Variants in ALK observed in about 807,000 individuals in gnomAD.
ALK encodes the protein ALK receptor tyrosine kinase.
In ALK, 74 loss-of-function variants were observed where a neutral mutation model predicts 163.1. The observed-to-expected ratio is 0.45, with a 90% confidence interval of 0.38 to 0.55. The LOEUF (loss-of-function observed/expected upper bound fraction) is 0.55, where lower values mean the gene tolerates loss of function less well. ALK is among the 20% of genes least tolerant of loss of function. The pLI, the probability that ALK is intolerant of heterozygous loss-of-function variation, is 0.00. For synonymous variants in ALK, 960 were observed against 843.2 expected (o/e 1.14, Z -2.40); for missense variants, 2,063 against 2,105.3 (o/e 0.98, Z 0.39).
At chr2:29,804,991 A>C (rs767915737) in intron 1 of ALK, among the ~76,000 whole-genome samples, 2 of 152,236 alleles carry the variant, frequency 1.3e-5, no homozygotes, top group East Asian at 3.9e-4. Flanking sequence ...GAGATCTACT[A>C]TCTTGTCTGG....
intron 3 of ALK, among the ~76,000 whole-genome samples, chr2:29,685,099 G>C (rs780362256): frequency 1.3e-5 from 2 of 152,160 alleles, no homozygotes; most frequent in African/African-American, 2.4e-5. Flanking sequence ...ACTGTGGCTG[G>C]AGAAGCACTT....
intron 3 of ALK, among the ~76,000 whole-genome samples, chr2:29,606,634 C>G (rs1018609166): frequency 6.6e-6 from 1 of 152,232 alleles, no homozygotes; most frequent in Admixed American, 6.5e-5. Flanking sequence ...CAGGCCTAAT[C>G]TGGCCCATTG....
At chr2:29,635,379 C>T (rs1160377127) in intron 3 of ALK, among the ~76,000 whole-genome samples, 1 of 152,140 alleles carries the variant, frequency 6.6e-6, no homozygotes, top group Non-Finnish European at 1.5e-5. Context: ...CATTCAATCA[C>T]AAGTGTCCTT....
intron 9 of ALK, among the ~76,000 whole-genome samples, chr2:29,275,901 A>G (rs1353301418): frequency 6.6e-6 from 1 of 152,210 alleles, no homozygotes; most frequent in Non-Finnish European, 1.5e-5. Flanking sequence ...GGGGAAAAAA[A>G]TACCAGCTTG....
Position 29,578,026 on chromosome 2 carries a change from A to G in ALK, c.953-45910T>C, listed in dbSNP as rs189182803. On this transcript the variant is annotated intron_variant, in intron 3 of 28. Coordinates refer to ENST00000389048, the MANE Select transcript of ALK (RefSeq NM_004304.5). Reference sequence around the variant, plus strand: ...GAAGAGTGAATCTTGATCTACACTAACTGATAGGGTTTGGCTGTGTCCCCA... The same window carrying G: ...GAAGAGTGAATCTTGATCTACACTAGCTGATAGGGTTTGGCTGTGTCCCCA... Among the ~76,000 whole-genome samples the G allele has an allele frequency of 9.1e-3, 1,391 of 152,208 alleles. 13 individuals carry two copies. Among genetic ancestry groups the G allele is most frequent in the Non-Finnish European group, 0.012 (811 of 68,000 alleles).
At chr2:29,915,996 T>C (rs1667823727) in intron 1 of ALK, among the ~76,000 whole-genome samples, 1 of 152,246 alleles carries the variant, frequency 6.6e-6, no homozygotes, top group South Asian at 2.1e-4. Flanking sequence ...TCTTTTCCTC[T>C]AAAAACACCA....
chr2:29,520,621 G>A (rs758297741), intron 4 of ALK, among the ~76,000 whole-genome samples: 1 of 152,110 alleles, frequency 6.6e-6, no homozygotes, highest in Admixed American at 6.5e-5. Context: ...TGGAAAAGGA[G>A]CTAAGAGATT....
At chr2:29,456,235 T>A (rs545348981) in intron 4 of ALK, among the ~76,000 whole-genome samples, 2 of 152,108 alleles carry the variant, frequency 1.3e-5, no homozygotes, top group African/African-American at 2.4e-5. Context: ...CTGGAGAGAA[T>A]TGAAAGCAGG....
intron 4 of ALK, among the ~76,000 whole-genome samples, chr2:29,446,694 A>G (rs528079367): frequency 6.6e-6 from 1 of 152,360 alleles, no homozygotes; most frequent in East Asian, 1.9e-4. Context: ...CTTGGAATTA[A>G]GGCTTTTTGA....
intron 1 of ALK, among the ~76,000 whole-genome samples, chr2:29,822,059 T>C (rs1021937605): frequency 5.9e-5 from 9 of 152,198 alleles, no homozygotes; most frequent in Non-Finnish European, 5.9e-5. Flanking sequence ...TAAGGATGTC[T>C]GGAACTTCTA....
chr2:29,365,049 C>A (rs1288929888), intron 5 of ALK, among the ~76,000 whole-genome samples: 1 of 152,114 alleles, frequency 6.6e-6, no homozygotes, highest in African/African-American at 2.4e-5. Flanking sequence ...TACCAATGCT[C>A]AGAGAGGTTG....
intron 13 of ALK, among the ~76,000 whole-genome samples, chr2:29,236,226 T>C (rs1664377901): frequency 6.6e-6 from 1 of 152,096 alleles, no homozygotes; most frequent in Non-Finnish European, 1.5e-5. Flanking sequence ...TGCCTCCTCA[T>C]CTGGAGATGG....
intron 1 of ALK, among the ~76,000 whole-genome samples, chr2:29,746,265 A>T (rs1361092014): frequency 6.6e-6 from 1 of 152,108 alleles, no homozygotes; most frequent in Non-Finnish European, 1.5e-5. Flanking sequence ...AGTTTTGATT[A>T]AAAAAAATTA....
intron 11 of ALK, among the ~76,000 whole-genome samples, chr2:29,258,430 C>T (rs1444899836): frequency 6.6e-6 from 1 of 152,210 alleles, no homozygotes; most frequent in African/African-American, 2.4e-5. Context: ...TTTCCTCATA[C>T]ATTAGTTGGA....
intron 1 of ALK, among the ~76,000 whole-genome samples, chr2:29,827,106 C>G (rs1242574324): frequency 1.3e-5 from 2 of 152,182 alleles, no homozygotes; most frequent in African/African-American, 2.4e-5. Flanking sequence ...TGATGGGTAA[C>G]TATTGCTAGA....
chr2:29,307,689 G>A (rs1166489116), intron 8 of ALK, among the ~76,000 whole-genome samples: 2 of 152,154 alleles, frequency 1.3e-5, no homozygotes, highest in Non-Finnish European at 2.9e-5. Context: ...TAGTTCACCT[G>A]GAAAAATGAA....
At chr2:29,592,730 C>T (rs1286190026) in intron 3 of ALK, among the ~76,000 whole-genome samples, 2 of 152,150 alleles carry the variant, frequency 1.3e-5, no homozygotes, top group African/African-American at 2.4e-5. Flanking sequence ...GTGGTAACAG[C>T]GTCTTTGCAG....
intron 12 of ALK, among the ~76,000 whole-genome samples, chr2:29,243,388 A>G (rs1664574164): frequency 6.6e-6 from 1 of 152,224 alleles, no homozygotes; most frequent in Non-Finnish European, 1.5e-5. Flanking sequence ...AGGGGATAAT[A>G]ATACCTACCT....
intron 4 of ALK, among the ~76,000 whole-genome samples, chr2:29,527,069 C>G (rs1672977164): frequency 6.6e-6 from 1 of 152,142 alleles, no homozygotes; most frequent in Non-Finnish European, 1.5e-5. Flanking sequence ...CTGGCATTGC[C>G]AGGACAGAAG....
Sources: gnomAD v4.1 joint callset for allele counts (sites outside exome capture counted in the v4.1 genomes callset) on GRCh38, gnomAD v4.1.1 for gene constraint, MANE v1.5 for transcripts, NCBI Gene and HGNC (gene_info 2026-07-23, HGNC 2026-07-21) for gene names.